Variants in MTHFD2L observed in about 807,000 individuals in gnomAD.
MTHFD2L encodes the protein methylenetetrahydrofolate dehydrogenase (NADP+ dependent) 2 like, also known as bifunctional methylenetetrahydrofolate dehydrogenase/cyclohydrolase 2, mitochondrial.
MTHFD2L carries 29 observed loss-of-function variants against 34.9 expected under a neutral mutation model. That is an observed-to-expected ratio of 0.83 (90% CI 0.62 to 1.13). The LOEUF (loss-of-function observed/expected upper bound fraction) is 1.13, where lower values mean the gene tolerates loss of function less well. Among genes scored for constraint, MTHFD2L ranks in the 50% most tolerant of loss-of-function variants. The pLI, the probability that MTHFD2L is intolerant of heterozygous loss-of-function variation, is 0.00. For synonymous variants in MTHFD2L, 167 were observed against 155.7 expected, an observed-to-expected ratio of 1.07 and a Z score of -0.54; for missense variants, 481 against 446.5, an observed-to-expected ratio of 1.08 and a Z score of -0.70.
At chr4:74,273,592 G>A (rs765752813) in intron 6 of MTHFD2L, among the ~76,000 whole-genome samples, 14 of 151,986 alleles carry the variant, frequency 9.2e-5, no homozygotes, top group Non-Finnish European at 1.5e-4. Flanking sequence ...ATATCAAAAC[G>A]CCTTGAAAAT....
chr4:74,277,154 ATTT>A (rs11444615), intron 6 of MTHFD2L, among the ~76,000 whole-genome samples: 5 of 145,380 alleles, frequency 3.4e-5, no homozygotes, highest in African/African-American at 1.3e-4. Context: ...GCCAAAGCAG[ATTT>A]TTTTTTTTTT....
intron 6 of MTHFD2L, among the ~76,000 whole-genome samples, chr4:74,247,785 A>T (rs1445452058): frequency 6.6e-6 from 1 of 152,090 alleles, no homozygotes; most frequent in East Asian, 1.9e-4. Context: ...ATTACATTTA[A>T]TGATTTGCAT....
chr4:74,129,732 T>A (rs1274547193), intron 1 of MTHFD2L, among the ~76,000 whole-genome samples: 2 of 150,858 alleles, frequency 1.3e-5, no homozygotes, highest in East Asian at 3.9e-4. Context: ...ATAACTAAGA[T>A]CAGAATAGAA....
chr4:74,299,657 T>G (rs1255316386), intron 7 of MTHFD2L, among the ~76,000 whole-genome samples: 1 of 152,030 alleles, frequency 6.6e-6, no homozygotes, highest in Non-Finnish European at 1.5e-5. Flanking sequence ...CTGACACATT[T>G]CTGCAAATTG....
intron 7 of MTHFD2L, among the ~76,000 whole-genome samples, chr4:74,292,533 C>T (rs1749089526): frequency 6.6e-6 from 1 of 151,964 alleles, no homozygotes; most frequent in Non-Finnish European, 1.5e-5. Flanking sequence ...TACAGATTTG[C>T]CACTCTGATA....
intron 7 of MTHFD2L, among the ~76,000 whole-genome samples, chr4:74,283,927 G>T (rs968358110): frequency 2.6e-5 from 4 of 152,100 alleles, no homozygotes; most frequent in African/African-American, 4.8e-5. Context: ...TGAGAGGGAG[G>T]AATTTTAAGA....
At chr4:74,201,154 A>C (rs1047573272) in intron 4 of MTHFD2L, 109 bp from the exon 5 acceptor site, 4 of 706,068 alleles carry the variant, frequency 5.7e-6, no homozygotes, top group African/African-American at 5.4e-5. Context: ...CCACATAATA[A>C]TTCAGATTTA....
chr4:74,216,342 C>T (rs1015230223), intron 5 of MTHFD2L, among the ~76,000 whole-genome samples: 6 of 151,748 alleles, frequency 4.0e-5, no homozygotes, highest in African/African-American at 1.5e-4. Flanking sequence ...AAAAATAGAG[C>T]TACCTATGCC....
intron 6 of MTHFD2L, among the ~76,000 whole-genome samples, chr4:74,272,245 G>C (rs1460165986): frequency 6.6e-6 from 1 of 152,172 alleles, no homozygotes; most frequent in African/African-American, 2.4e-5. Context: ...GAGGAGGAAA[G>C]ACTGTATTTC....
chr4:74,244,405 C>T (rs1341839014), intron 6 of MTHFD2L, among the ~76,000 whole-genome samples: 1 of 152,164 alleles, frequency 6.6e-6, no homozygotes, highest in Non-Finnish European at 1.5e-5. Flanking sequence ...GTTCCAAAGT[C>T]ACCCAGGTGA....
chr4:74,138,837 C>G (rs1432906548), intron 1 of MTHFD2L, among the ~76,000 whole-genome samples: 1 of 152,186 alleles, frequency 6.6e-6, no homozygotes, highest in East Asian at 1.9e-4. Flanking sequence ...GCTCAAATGC[C>G]TGGGTTTATA....
chr4:74,197,659 T>C (rs6446978), intron 3 of MTHFD2L, among the ~76,000 whole-genome samples: 3,748 of 152,254 alleles, frequency 0.025, 171 homozygotes, highest in African/African-American at 0.085. Flanking sequence ...ATTTAAATTC[T>C]GGATTCTTAG....
Position 74,278,550 on chromosome 4 carries a change from C to T in MTHFD2L, c.806-2875C>T, listed in dbSNP as rs976193863. ...CTGATCAGTTATTGTGACCTTGACT[C>T]ACTCATTTCTGATGAACTTTCTGGG... On this transcript the variant is annotated intron_variant, in intron 6 of 7. Coordinates refer to ENST00000325278, the MANE Select transcript of MTHFD2L (RefSeq NM_001144978.3). Among the ~76,000 whole-genome samples the T allele has an allele frequency of 5.3e-5, 8 of 152,230 alleles. No individual in the cohort carries two copies. The South Asian group carries it at 1.7e-3, about 32-fold the overall frequency.
intron 6 of MTHFD2L, among the ~76,000 whole-genome samples, chr4:74,270,398 C>T (rs919814146): frequency 5.9e-5 from 9 of 152,078 alleles, no homozygotes; most frequent in Admixed American, 5.9e-4. Flanking sequence ...TCAATTCCCA[C>T]CTATGAGTGA....
chr4:74,266,589 T>C (rs1745310736), intron 6 of MTHFD2L, among the ~76,000 whole-genome samples: 1 of 152,156 alleles, frequency 6.6e-6, no homozygotes, highest in Non-Finnish European at 1.5e-5. Flanking sequence ...ACTAGCAACA[T>C]CTCCCTGGGA....
intron 1 of MTHFD2L, among the ~76,000 whole-genome samples, chr4:74,135,704 T>TG (rs1314957952): frequency 6.6e-6 from 1 of 151,426 alleles, no homozygotes; most frequent in Non-Finnish European, 1.5e-5. Context: ...CATTTTTTTT[T>TG]TAAAGAAGCT....
chr4:74,272,708 G>A (rs1014560811), intron 6 of MTHFD2L, among the ~76,000 whole-genome samples: 3 of 152,070 alleles, frequency 2.0e-5, no homozygotes, highest in Non-Finnish European at 4.4e-5. Context: ...GTTCAACAGG[G>A]TGCTAGAGGT....
At chr4:74,265,726 C>T (rs6814380) in intron 6 of MTHFD2L, among the ~76,000 whole-genome samples, 1 of 151,946 alleles carries the variant, frequency 6.6e-6, no homozygotes, top group African/African-American at 2.4e-5. Flanking sequence ...TTTTGTCATG[C>T]ATACTATTTT....
intron 1 of MTHFD2L, among the ~76,000 whole-genome samples, chr4:74,170,571 A>G (rs1376285294): frequency 6.6e-6 from 1 of 152,188 alleles, no homozygotes; most frequent in East Asian, 1.9e-4. Context: ...CATGGTCCAT[A>G]AAAGGAAAAA....
Sources: allele counts gnomAD v4.1 joint callset (sites outside exome capture counted in the v4.1 genomes callset), GRCh38; gene constraint gnomAD v4.1.1; transcripts MANE v1.5; gene names NCBI Gene and HGNC (gene_info 2026-07-23, HGNC 2026-07-21).